ZBTB34: variants seen among roughly 807,000 people sequenced by gnomAD.
The protein encoded by ZBTB34 is zinc finger and BTB domain containing 34.
ZBTB34 carries 1 observed loss-of-function variant against 33.4 expected under a neutral mutation model. The ratio of observed to expected loss-of-function variants is 0.03; its 90% CI spans 0.01 to 0.14. The LOEUF is 0.14. ZBTB34 is among the 10% of genes least tolerant of loss of function. The pLI is 1.00. For missense variants in ZBTB34, 406 were observed against 657.2 expected (o/e 0.62, Z 4.18); for synonymous variants, 283 against 253.5 (o/e 1.12, Z -1.11).
At chr9:126,884,731 G>A (rs184523046) in exon 2 of ZBTB34, 196 of 167,140 alleles carry the variant, frequency 1.2e-3, no homozygotes, top group Non-Finnish European at 2.1e-3. Flanking sequence ...GCAGGAACAC[G>A]AAACAAGGGC....
intron 1 of ZBTB34, among the ~76,000 whole-genome samples, chr9:126,861,781 C>G (rs2033146241): frequency 6.6e-6 from 1 of 152,128 alleles, no homozygotes; most frequent in African/African-American, 2.4e-5. Flanking sequence ...TCTCTTTGTT[C>G]CCTAGTCCAG....
chr9:126,877,619 T>C (rs1165963262), intron 1 of ZBTB34, among the ~76,000 whole-genome samples: 1 of 152,202 alleles, frequency 6.6e-6, no homozygotes, highest in East Asian at 1.9e-4. Flanking sequence ...CTGTTGTAGG[T>C]GTGCCGCAGC....
intron 1 of ZBTB34, among the ~76,000 whole-genome samples, chr9:126,876,538 A>G (rs1436480413): frequency 6.6e-6 from 1 of 152,028 alleles, no homozygotes; most frequent in Non-Finnish European, 1.5e-5. Flanking sequence ...TGGTCATAAT[A>G]TATTATTTTA....
chr9:126,867,782 G>A (rs1207287569), intron 1 of ZBTB34, among the ~76,000 whole-genome samples: 1 of 147,250 alleles, frequency 6.8e-6, no homozygotes, highest in African/African-American at 2.5e-5. Flanking sequence ...TTTTTTTGGT[G>A]ATAAGTCTTT....
In ZBTB34 at chr9:126,879,183, A is replaced by G. The variant is rs977276471; in HGVS notation, c.-10-207A>G. On this transcript the variant is annotated intron_variant, in intron 1 of 1. Transcript: ENST00000319119. The surrounding 1 kb of genome is among the most constrained non-coding windows in gnomAD (Gnocchi z 6.4). ...TGATCAAGATGAATATTAGGCAATTATGACATTAGGCTAATTGATCATTAG... is the reference window on the plus strand; with the variant it reads ...TGATCAAGATGAATATTAGGCAATTGTGACATTAGGCTAATTGATCATTAG... Among the ~76,000 whole-genome samples the G allele has an allele frequency of 6.6e-6, 1 of 152,352 alleles. No individual in the cohort carries two copies. Among genetic ancestry groups the G allele is most frequent in the Non-Finnish European group, 1.5e-5 (1 of 68,032 alleles).
At position 126,880,111 on chromosome 9, in the gene ZBTB34, G is replaced by T; in HGVS notation, c.712G>T (p.Val238Leu). 6.2e-7 allele frequency: 1 copy of T among 1,613,762 alleles called. No homozygotes were observed. The highest frequency in any genetic ancestry group is 8.5e-7 in the Non-Finnish European group (1 of 1,179,894). The change falls in exon 2 of 2, where the codon GTG (valine) becomes TTG (leucine). Residue 238 changes from valine (V) to leucine (L), a missense_variant. By Grantham distance (32) the Val-to-Leu change is conservative. Coordinates refer to ENST00000319119, the Ensembl canonical transcript of ZBTB34. The surrounding 1 kb of genome is among the most constrained non-coding windows in gnomAD (Gnocchi z 6.7). ...GGTGAGGGAGAGCCAGATCACCGAGGTGAAAGTGAAGATGGAGAAGTCCGA... is the reference window on the plus strand; with the variant it reads ...GGTGAGGGAGAGCCAGATCACCGAGTTGAAAGTGAAGATGGAGAAGTCCGA...
chr9:126,880,875 C>T lies in ZBTB34; in HGVS notation c.1476C>T (p.Ser492=), dbSNP rs1196689084. Reference sequence around the variant, plus strand: ...CGGCCTCAGAGATGGGCCTAGATTCCCGGATGGAAATTCACACAGTGTCTG... The same window carrying T: ...CGGCCTCAGAGATGGGCCTAGATTCTCGGATGGAAATTCACACAGTGTCTG... The change falls in exon 2 of 2, where the codon TCC becomes TCT. Residue 492 remains serine, a synonymous_variant. Transcript: ENST00000319119. The surrounding 1 kb of genome is among the most constrained non-coding windows in gnomAD (Gnocchi z 6.7). The T allele has an allele frequency of 1.2e-6, 2 of 1,612,530 alleles. No individual in the cohort carries two copies. Among genetic ancestry groups the T allele is most frequent in the Admixed American group, 3.3e-5 (2 of 59,828 alleles).
chr9:126,863,613 C>A, intron 1 of ZBTB34: 1 of 790,148 alleles, frequency 1.3e-6, no homozygotes, highest in Non-Finnish European at 1.5e-6. Context: ...CTGAATTTAG[C>A]TTAGTGAAGG....
At chr9:126,869,107 A>G (rs914578018) in intron 1 of ZBTB34, among the ~76,000 whole-genome samples, 1 of 152,190 alleles carries the variant, frequency 6.6e-6, no homozygotes, top group Non-Finnish European at 1.5e-5. Flanking sequence ...GCGAATATGC[A>G]GATGTAATCT....
chr9:126,868,652 T>C (rs1289641773), intron 1 of ZBTB34, among the ~76,000 whole-genome samples: 1 of 152,234 alleles, frequency 6.6e-6, no homozygotes. Context: ...CGTCACTGCT[T>C]GGTCAGTCCT....
intron 1 of ZBTB34, 21 bp downstream of exon 1, chr9:126,860,760 G>C (rs999834292): frequency 6.8e-6 from 1 of 146,028 alleles, no homozygotes; most frequent in Non-Finnish European, 1.5e-5. Context: ...CTGGCCGGGG[G>C]CGGCGAGCAG....
chr9:126,861,280 T>C (rs1195977352), intron 1 of ZBTB34, among the ~76,000 whole-genome samples: 1 of 152,178 alleles, frequency 6.6e-6, no homozygotes, highest in Non-Finnish European at 1.5e-5. Context: ...CCCAGACGTC[T>C]CCGTGGCCAC....
chr9:126,875,214 A>C (rs2033339862), intron 1 of ZBTB34, among the ~76,000 whole-genome samples: 1 of 152,198 alleles, frequency 6.6e-6, no homozygotes, highest in Non-Finnish European at 1.5e-5. Flanking sequence ...TCTGATATTG[A>C]TTACATGCTG....
chr9:126,874,598 C>G (rs186733535), intron 1 of ZBTB34, among the ~76,000 whole-genome samples: 1 of 152,266 alleles, frequency 6.6e-6, no homozygotes, highest in East Asian at 1.9e-4. Context: ...GTAATTCTCC[C>G]CTTTTTACTT....
intron 1 of ZBTB34, among the ~76,000 whole-genome samples, chr9:126,861,128 G>A (rs1054674958): frequency 1.3e-5 from 2 of 152,152 alleles, no homozygotes; most frequent in East Asian, 1.9e-4. Context: ...CCTTTTGTAC[G>A]GGGAGGGAGG....
At chr9:126,866,491 C>T (rs1283631110) in intron 1 of ZBTB34, among the ~76,000 whole-genome samples, 1 of 152,188 alleles carries the variant, frequency 6.6e-6, no homozygotes, top group African/African-American at 2.4e-5. Context: ...TGCCCTGTTC[C>T]TGCTTTTCCT....
At chr9:126,863,785 G>A in intron 1 of ZBTB34, 1 of 872,328 alleles carries the variant, frequency 1.1e-6, no homozygotes, top group Non-Finnish European at 1.4e-6. Context: ...CCCCTGAAAT[G>A]CTAGCCAGCA....
chr9:126,865,713 A>G (rs1393799650), intron 1 of ZBTB34, among the ~76,000 whole-genome samples: 1 of 152,218 alleles, frequency 6.6e-6, no homozygotes, highest in African/African-American at 2.4e-5. Flanking sequence ...GGCCGGGCGC[A>G]GTAGCTCATT....
chr9:126,877,732 CG>C (rs2033380876), intron 1 of ZBTB34, among the ~76,000 whole-genome samples: 1 of 152,150 alleles, frequency 6.6e-6, no homozygotes, highest in Non-Finnish European at 1.5e-5. Flanking sequence ...TGGCAGAGCG[CG>C]GTGGCTCACG....
Sources: gnomAD v4.1 joint callset for allele counts (sites outside exome capture counted in the v4.1 genomes callset) on GRCh38, gnomAD v4.1.1 for gene constraint, Gnocchi (gnomAD v3.1) non-coding constraint, MANE v1.5 for transcripts, NCBI Gene and HGNC (gene_info 2026-07-23, HGNC 2026-07-21) for gene names.